VAT1L: variants seen among roughly 807,000 people sequenced by gnomAD.
VAT1L encodes the protein vesicle amine transport 1 like.
Under a neutral mutation model 44.1 loss-of-function variants are expected in VAT1L, and 34 were observed. The ratio of observed to expected loss-of-function variants is 0.77; its 90% CI spans 0.59 to 1.03. The LOEUF is 1.03. Among genes scored for constraint, VAT1L ranks in the 50% least tolerant of loss-of-function variants. VAT1L has a pLI of 0.00. For missense variants in VAT1L, 615 were observed against 538.8 expected (o/e 1.14, Z -1.40); for synonymous variants, 253 against 202.2 (o/e 1.25, Z -2.13).
chr16:77,934,744 G>A (rs2017772069), intron 7 of VAT1L, among the ~76,000 whole-genome samples: 1 of 152,154 alleles, frequency 6.6e-6, no homozygotes, highest in Admixed American at 6.5e-5. Context: ...GGGAGACAGG[G>A]TAGGTTTACT....
chr16:77,930,854 T>C (rs562408132), intron 7 of VAT1L, among the ~76,000 whole-genome samples: 98 of 152,286 alleles, frequency 6.4e-4, no homozygotes, highest in African/African-American at 2.1e-3. Context: ...GCTGTTCTCT[T>C]GACACTGCAT....
intron 7 of VAT1L, among the ~76,000 whole-genome samples, chr16:77,901,196 C>T (rs2017379054): frequency 8.0e-6 from 1 of 125,424 alleles, no homozygotes; most frequent in South Asian, 2.6e-4. Context: ...GACAGTCTTG[C>T]TCTGTCACCC....
intron 3 of VAT1L, among the ~76,000 whole-genome samples, chr16:77,859,087 A>G (rs1016019221): frequency 6.6e-6 from 1 of 151,654 alleles, no homozygotes; most frequent in African/African-American, 2.4e-5. Context: ...GTGAGCTAAG[A>G]TCGTGCTGCT....
At chr16:77,975,707 CT>C (rs2018332471) in intron 8 of VAT1L, among the ~76,000 whole-genome samples, 1 of 152,222 alleles carries the variant, frequency 6.6e-6, no homozygotes, top group Admixed American at 6.5e-5. Flanking sequence ...TGCTGAAAGC[CT>C]CCTCTTAATG....
intron 7 of VAT1L, among the ~76,000 whole-genome samples, chr16:77,886,874 T>A (rs951148404): frequency 6.6e-6 from 1 of 152,230 alleles, no homozygotes; most frequent in Non-Finnish European, 1.5e-5. Context: ...TTTTGCCTAA[T>A]AAACTCATGA....
chr16:77,822,757 C>T (rs1480293255), intron 2 of VAT1L, among the ~76,000 whole-genome samples: 1 of 152,084 alleles, frequency 6.6e-6, no homozygotes, highest in Non-Finnish European at 1.5e-5. Context: ...TAATTACTTG[C>T]CTCTTTTCTC....
At chr16:77,863,604 G>A (rs948735513) in intron 4 of VAT1L, among the ~76,000 whole-genome samples, 1 of 152,196 alleles carries the variant, frequency 6.6e-6, no homozygotes, top group African/African-American at 2.4e-5. Flanking sequence ...GAAGAAAGGG[G>A]CAGGGAGGGG....
At chr16:77,865,605 T>G (rs958664980) in intron 4 of VAT1L, among the ~76,000 whole-genome samples, 13 of 152,168 alleles carry the variant, frequency 8.5e-5, no homozygotes, top group Non-Finnish European at 1.9e-4. Context: ...AAATGCAAGG[T>G]GCTATCGAAT....
chr16:77,964,439 G>T (rs1288561632), intron 7 of VAT1L, among the ~76,000 whole-genome samples: 1 of 151,812 alleles, frequency 6.6e-6, no homozygotes, highest in African/African-American at 2.4e-5. Context: ...CCCAGCAAGG[G>T]CATCACTCCA....
chr16:77,876,229 T>G (rs1379753599), intron 4 of VAT1L, 141 bp from the exon 5 acceptor site: 6 of 673,346 alleles, frequency 8.9e-6, no homozygotes. Flanking sequence ...CTCCTGGGCT[T>G]CTGCCCTATT....
chr16:77,952,223 G>A (rs2018052604), intron 7 of VAT1L, among the ~76,000 whole-genome samples: 1 of 152,190 alleles, frequency 6.6e-6, no homozygotes, highest in Non-Finnish European at 1.5e-5. Flanking sequence ...GTTTTCTAAG[G>A]TAAATGCTCT....
intron 7 of VAT1L, among the ~76,000 whole-genome samples, chr16:77,916,432 G>A (rs772689554): frequency 6.6e-6 from 1 of 152,056 alleles, no homozygotes; most frequent in Non-Finnish European, 1.5e-5. Flanking sequence ...TGTAAAACAG[G>A]AATATTACTA....
At chr16:77,826,043 AAAAAAAG>A (rs1206538338) in intron 3 of VAT1L, among the ~76,000 whole-genome samples, 5 of 111,724 alleles carry the variant, frequency 4.5e-5, no homozygotes, top group Admixed American at 9.3e-5. Flanking sequence ...GAAAAAAAAA[AAAAAAAG>A]AAAGAAATTA....
At chr16:77,821,012 T>C (rs978469786) in intron 2 of VAT1L, among the ~76,000 whole-genome samples, 11 of 152,188 alleles carry the variant, frequency 7.2e-5, no homozygotes, top group African/African-American at 2.7e-4. Context: ...TACTGAAAGC[T>C]TCTCCAGGAC....
At position 77,940,336 on chromosome 16, in the gene VAT1L, C is replaced by T. The variant is rs538393187; in HGVS notation, c.1078-31514C>T. 6.9e-5 allele frequency among the ~76,000 whole-genome samples: 9 copies of T among 131,176 alleles called. No homozygotes were observed. In the South Asian group the frequency reaches 2.2e-3, roughly 32 times the overall value. 86.1% of individuals were successfully genotyped at this position (131,176 alleles called of 152,430 possible). A position where few individuals can be genotyped will look rare whatever the true frequency, so the allele number is the denominator to read the frequency against. ...AGTACAAGCCAGGTCTAACATACCA[C>T]TTGGTTTTTTTTTTTTTTTTTTTTG... On this transcript the variant is annotated intron_variant, in intron 7 of 8. Coordinates refer to ENST00000302536, the MANE Select transcript of VAT1L (RefSeq NM_020927.3).
intron 7 of VAT1L, among the ~76,000 whole-genome samples, chr16:77,888,867 T>C (rs2017235274): frequency 6.6e-6 from 1 of 152,218 alleles, no homozygotes; most frequent in Non-Finnish European, 1.5e-5. Context: ...TGTAGCAAGA[T>C]AGTCCTCCAT....
chr16:77,817,202 T>A, intron 2 of VAT1L, 152 bp downstream of exon 2: 1 of 1,236,086 alleles, frequency 8.1e-7, no homozygotes, highest in Non-Finnish European at 1.1e-6. Flanking sequence ...TTATAGTCAT[T>A]AAGGTCTCAT....
At chr16:77,911,225 T>C (rs1350091107) in intron 7 of VAT1L, among the ~76,000 whole-genome samples, 2 of 152,170 alleles carry the variant, frequency 1.3e-5, no homozygotes, top group Non-Finnish European at 2.9e-5. Flanking sequence ...AGTGTCCCAG[T>C]TGGGAAGAAA....
chr16:77,971,819 C>G, intron 7 of VAT1L, 31 bp from the exon 8 acceptor site: 1 of 1,604,582 alleles, frequency 6.2e-7, no homozygotes, highest in Non-Finnish European at 8.5e-7. Flanking sequence ...CTCGCCTAAC[C>G]AGCACCTCTG....
Sources: allele counts gnomAD v4.1 joint callset (sites outside exome capture counted in the v4.1 genomes callset), GRCh38; gene constraint gnomAD v4.1.1; transcripts MANE v1.5; gene names NCBI Gene and HGNC (gene_info 2026-07-23, HGNC 2026-07-21).